FAXDC2: variants seen among roughly 807,000 people sequenced by gnomAD.
The protein encoded by FAXDC2 is fatty acid hydroxylase domain containing 2.
In FAXDC2, 41 loss-of-function variants were observed where a neutral mutation model predicts 40.9. The ratio of observed to expected loss-of-function variants is 1.00; its 90% CI spans 0.78 to 1.30. The LOEUF is 1.30. Among genes scored for constraint, FAXDC2 ranks in the 50% most tolerant of loss-of-function variants. The probability of loss-of-function intolerance (pLI) is 0.00; values close to 1 mark genes in which losing one functional copy is unlikely to be tolerated. For synonymous variants in FAXDC2, 157 were observed against 149.3 expected, an observed-to-expected ratio of 1.05 and a Z score of -0.38; for missense variants, 390 against 408.8, an observed-to-expected ratio of 0.95 and a Z score of 0.40.
At chr5:154,835,372 GGGGGT>G (rs1384691020) in intron 2 of FAXDC2, 27 of 168,998 alleles carry the variant, frequency 1.6e-4, no homozygotes, top group Non-Finnish European at 1.3e-5. Context: ...AAGAGTCCCT[GGGGGT>G]GGGACCTGGG....
chr5:154,820,703 G>A (rs11167702), intron 8 of FAXDC2: 196,786 of 429,100 alleles, frequency 0.46, 49,129 homozygotes, highest in Non-Finnish European at 0.53. Flanking sequence ...AAAGCTTGCT[G>A]TGTGATTGAT....
At chr5:154,832,702 C>T (rs1400244632) in intron 4 of FAXDC2, among the ~76,000 whole-genome samples, 1 of 152,152 alleles carries the variant, frequency 6.6e-6, no homozygotes. Context: ...TATTTTCTCT[C>T]TCTCATATTG....
intron 1 of FAXDC2, among the ~76,000 whole-genome samples, chr5:154,847,864 G>A (rs1760637313): frequency 6.8e-6 from 1 of 147,600 alleles, no homozygotes; most frequent in Non-Finnish European, 1.5e-5. Flanking sequence ...TTTTGAGACA[G>A]AGTCTTGCTC....
intron 5 of FAXDC2, among the ~76,000 whole-genome samples, chr5:154,829,264 A>C (rs1356061286): frequency 6.6e-6 from 1 of 152,224 alleles, no homozygotes; most frequent in Non-Finnish European, 1.5e-5. Context: ...GGTGTGAACT[A>C]GCCATTCAGG....
chr5:154,824,570 GA>G (rs1270433274), intron 5 of FAXDC2: 1 of 702,574 alleles, frequency 1.4e-6, no homozygotes, highest in Non-Finnish European at 2.6e-6. Flanking sequence ...GTTGTGAGAG[GA>G]CATGTTAGGT....
chr5:154,846,563 T>G (rs1440878065), intron 1 of FAXDC2, among the ~76,000 whole-genome samples: 1 of 152,100 alleles, frequency 6.6e-6, no homozygotes, highest in Non-Finnish European at 1.5e-5. Context: ...ATTTTTTTAA[T>G]TTTTAGAGAT....
At chr5:154,835,662 G>T (rs532472946) in intron 2 of FAXDC2, among the ~76,000 whole-genome samples, 126 of 151,488 alleles carry the variant, frequency 8.3e-4, no homozygotes, top group Non-Finnish European at 1.1e-3. Flanking sequence ...CTCACTGCCA[G>T]CTCCGCCTCC....
chr5:154,847,646 A>G (rs1416621827), intron 1 of FAXDC2, among the ~76,000 whole-genome samples: 1 of 143,370 alleles, frequency 7.0e-6, no homozygotes, highest in Non-Finnish European at 1.5e-5. Flanking sequence ...CACCCCCACC[A>G]TGCCTGGCTA....
At chr5:154,833,574 G>A (rs188160072) in intron 4 of FAXDC2, among the ~76,000 whole-genome samples, 6 of 152,092 alleles carry the variant, frequency 3.9e-5, no homozygotes, top group South Asian at 2.1e-4. Context: ...GGCTGGTCTC[G>A]AACCCCTGAC....
Position 154,821,436 on chromosome 5 carries a change from G to GC in FAXDC2, c.679-11_679-10insG. On this transcript the variant is annotated splice_polypyrimidine_tract_variant and intron_variant, in intron 7 of 8. Coordinates refer to ENST00000326080, the MANE Select transcript of FAXDC2 (RefSeq NM_032385.5). Reference sequence around the variant, plus strand: ...GTAGCATGTTGGAGACCTGCAAGAGGAGGGATGATTGAAGGCAGGGTCCAG... The same window carrying GC: ...GTAGCATGTTGGAGACCTGCAAGAGGCAGGGATGATTGAAGGCAGGGTCCAG... 1 of 1,609,152 alleles carries GC rather than the reference G, an allele frequency of 6.2e-7. No homozygotes were observed. Among genetic ancestry groups the GC allele is most frequent in the Non-Finnish European group, 8.5e-7 (1 of 1,177,950 alleles).
At position 154,838,256 on chromosome 5, in the gene FAXDC2, A is replaced by G. The variant is rs1760401028; in HGVS notation, c.1-78T>C. 2.3e-6 allele frequency: 3 copies of G among 1,327,274 alleles called. No homozygotes were observed. In the South Asian group the frequency reaches 3.8e-5, roughly 17 times the overall value. 82.2% of individuals were successfully genotyped at this position (1,327,274 alleles called of 1,614,324 possible). On this transcript the variant is annotated intron_variant, in intron 1 of 8. Transcript: ENST00000326080. ...GGAAGTAGGGAGTGGAGAAAGTCAA[A>G]GTGTATGGCTAGCAGTGATTTTTGA... is the stretch of plus-strand genomic sequence containing the variant.
At chr5:154,826,526 CT>C (rs1445580321) in intron 5 of FAXDC2, among the ~76,000 whole-genome samples, 1 of 125,288 alleles carries the variant, frequency 8.0e-6, no homozygotes, top group Admixed American at 8.8e-5. Context: ...AAGACTGTCT[CT>C]AAAAAAAAAA....
chr5:154,831,767 T>A (rs1159098868), intron 4 of FAXDC2, among the ~76,000 whole-genome samples: 4 of 152,046 alleles, frequency 2.6e-5, no homozygotes, highest in African/African-American at 9.7e-5. Context: ...GAGGGCAATT[T>A]GGCAGTAACT....
intron 2 of FAXDC2, 103 bp downstream of exon 2, chr5:154,838,028 C>T (rs1355115665): frequency 1.1e-5 from 9 of 784,630 alleles, no homozygotes; most frequent in Admixed American, 2.1e-5. Context: ...TGTCAGCCAC[C>T]CCTAAACCTT....
chr5:154,830,120 G>A (rs1719361409), intron 5 of FAXDC2, among the ~76,000 whole-genome samples: 1 of 152,156 alleles, frequency 6.6e-6, no homozygotes, highest in South Asian at 2.1e-4. Context: ...GCCAGGATGT[G>A]GTTTGGGTGG....
intron 1 of FAXDC2, among the ~76,000 whole-genome samples, chr5:154,849,436 G>T (rs1218606672): frequency 1.3e-5 from 2 of 152,036 alleles, no homozygotes; most frequent in Non-Finnish European, 2.9e-5. Context: ...GCATGTCCAT[G>T]AGGCCGAGAA....
chr5:154,842,506 T>TTG (rs1760498871), intron 1 of FAXDC2, among the ~76,000 whole-genome samples: 4 of 140,688 alleles, frequency 2.8e-5, no homozygotes, highest in South Asian at 2.3e-4. Context: ...GCTCAGCCCT[T>TTG]TGTGTGTTTT....
Position 154,823,482 on chromosome 5 carries a change from G to T in FAXDC2, c.477C>A (p.Asp159Glu), listed in dbSNP as rs1384500576. The T allele has an allele frequency of 4.3e-6, 7 of 1,614,166 alleles. No individual in the cohort carries two copies. The highest frequency in any genetic ancestry group is 2.2e-5 in the East Asian group (1 of 44,884). The change falls in exon 6 of 9, where the codon GAC becomes GAA. Residue 159 changes from aspartate (D) to glutamate (E), a missense_variant. By Grantham distance (45) the Asp-to-Glu change is conservative. Transcript: ENST00000326080. ...FLYPFLKWWR[D>E]PCRRELPTFH... ...AGGTGGGTAGCTCACGGCGGCAGGGGTCTCTCCACCATTTGAGGAAGGGAT... is the reference window on the plus strand; with the variant it reads ...AGGTGGGTAGCTCACGGCGGCAGGGTTCTCTCCACCATTTGAGGAAGGGAT...
intron 2 of FAXDC2, among the ~76,000 whole-genome samples, chr5:154,836,939 T>C (rs190394056): frequency 8.5e-4 from 130 of 152,276 alleles, no homozygotes; most frequent in Non-Finnish European, 1.7e-3. Flanking sequence ...CATCCCAAAA[T>C]GCTGGGATTA....
Sources: gnomAD v4.1 joint callset for allele counts (sites outside exome capture counted in the v4.1 genomes callset) on GRCh38, gnomAD v4.1.1 for gene constraint, MANE v1.5 for transcripts, NCBI Gene and HGNC (gene_info 2026-07-23, HGNC 2026-07-21) for gene names.